Variants in CD28 observed in about 807,000 individuals in gnomAD.
CD28 encodes the protein CD28 molecule.
Under a neutral mutation model 21.4 loss-of-function variants are expected in CD28, and 8 were observed. The ratio of observed to expected loss-of-function variants is 0.37; its 90% confidence interval spans 0.22 to 0.68. The LOEUF is 0.68. Ranked by LOEUF, CD28 falls within the 30% of genes least tolerant of loss-of-function variation. The pLI, the probability that CD28 is intolerant of heterozygous loss-of-function variation, is 0.55. For missense variants in CD28, 239 were observed against 272.2 expected (o/e 0.88, Z 0.86); for synonymous variants, 106 against 104.0 (o/e 1.02, Z -0.12).
chr2:203,715,304 A>G (rs1693435858), intron 1 of CD28, among the ~76,000 whole-genome samples: 1 of 152,168 alleles, frequency 6.6e-6, no homozygotes, highest in South Asian at 2.1e-4. Context: ...ACTACAGGCA[A>G]CCTTTTAGAA....
intron 3 of CD28, among the ~76,000 whole-genome samples, chr2:203,734,252 GT>G (rs920073544): frequency 3.9e-5 from 6 of 152,164 alleles, no homozygotes; most frequent in Non-Finnish European, 8.8e-5. Flanking sequence ...AGAGATGAGT[GT>G]AGAAATACAT....
At chr2:203,725,611 A>T (rs1230322471) in intron 1 of CD28, among the ~76,000 whole-genome samples, 1 of 152,148 alleles carries the variant, frequency 6.6e-6, no homozygotes, top group East Asian at 1.9e-4. Flanking sequence ...GCTTTTAAAG[A>T]TTGAACTAAA....
intron 3 of CD28, among the ~76,000 whole-genome samples, chr2:203,733,431 A>G (rs1693949447): frequency 6.6e-6 from 1 of 152,176 alleles, no homozygotes; most frequent in Non-Finnish European, 1.5e-5. Flanking sequence ...GGTAAAAAAA[A>G]AACAGCATTT....
intron 3 of CD28, among the ~76,000 whole-genome samples, chr2:203,732,341 G>A (rs1693916603): frequency 6.6e-6 from 1 of 152,178 alleles, no homozygotes; most frequent in South Asian, 2.1e-4. Context: ...TGGTCAAGCT[G>A]TCACAGGCCA....
intron 1 of CD28, among the ~76,000 whole-genome samples, chr2:203,723,539 A>G (rs1693660907): frequency 6.6e-6 from 1 of 152,180 alleles, no homozygotes; most frequent in African/African-American, 2.4e-5. Flanking sequence ...TAATTCAATA[A>G]TAAAAAGATA....
intron 1 of CD28, among the ~76,000 whole-genome samples, chr2:203,718,610 G>A (rs1452533224): frequency 6.6e-6 from 1 of 152,174 alleles, no homozygotes; most frequent in African/African-American, 2.4e-5. Flanking sequence ...ACTATGATGT[G>A]CATAAATGGA....
chr2:203,730,439 C>G (rs1693858265), intron 3 of CD28, among the ~76,000 whole-genome samples: 1 of 152,036 alleles, frequency 6.6e-6, no homozygotes, highest in Admixed American at 6.5e-5. Flanking sequence ...AATTTTTGGC[C>G]TGGGTTTGAA....
chr2:203,725,308 A>G (rs1693714653), intron 1 of CD28, among the ~76,000 whole-genome samples: 1 of 136,940 alleles, frequency 7.3e-6, no homozygotes, highest in Non-Finnish European at 1.6e-5. Context: ...AAAAAAAAAA[A>G]GAAAAATTTT....
rs1367232884 is a variant in CD28, at chr2:203,736,490, A to G, written c.*1578A>G. ...TGGAGGTCCATTCACATGGGAAAGT[A>G]TTTTGGAATGTGTCTTTTGAAGAGA... On this transcript the variant is annotated 3_prime_UTR_variant, in exon 4 of 4. Coordinates refer to ENST00000324106, the MANE Select transcript of CD28 (RefSeq NM_006139.4). The G allele has an allele frequency of 6.6e-6, 1 of 152,400 alleles. No individual in the cohort carries two copies. Among genetic ancestry groups the G allele is most frequent in the Non-Finnish European group, 1.5e-5 (1 of 68,050 alleles). The allele number at this position is 152,400 out of a possible 1,614,324, so 9.4% of individuals were successfully genotyped here. A position where few individuals can be genotyped will look rare whatever the true frequency, so the allele number is the denominator to read the frequency against.
intron 1 of CD28, among the ~76,000 whole-genome samples, chr2:203,715,087 T>C (rs1035055969): frequency 1.3e-5 from 2 of 152,200 alleles, no homozygotes; most frequent in Non-Finnish European, 2.9e-5. Flanking sequence ...CAGAGTTGTT[T>C]TGAATGAGGG....
chr2:203,738,111 T>G lies in CD28; in HGVS notation c.*3199T>G, dbSNP rs1367519614. ...AGACCAATGGCTGACCTCTTTGAGATGTCAGGCTAGGCTTACCTATGTGTT... is the reference window on the plus strand; with the variant it reads ...AGACCAATGGCTGACCTCTTTGAGAGGTCAGGCTAGGCTTACCTATGTGTT... On this transcript the variant is annotated 3_prime_UTR_variant, in exon 4 of 4. Transcript: ENST00000324106. The G allele has an allele frequency of 1.3e-5, 2 of 152,236 alleles. No individual in the cohort carries two copies. Among genetic ancestry groups the G allele is most frequent in the African/African-American group, 2.4e-5 (1 of 41,462 alleles). The allele number at this position is 152,236 out of a possible 1,614,324, so 9.4% of individuals were successfully genotyped here. A position where few individuals can be genotyped will look rare whatever the true frequency, so the allele number is the denominator to read the frequency against.
intron 1 of CD28, among the ~76,000 whole-genome samples, chr2:203,724,725 A>G (rs1232914506): frequency 6.6e-6 from 1 of 152,186 alleles, no homozygotes; most frequent in Non-Finnish European, 1.5e-5. Flanking sequence ...GCTACTATTA[A>G]TTTAGTTCTA....
intron 1 of CD28, among the ~76,000 whole-genome samples, chr2:203,721,429 G>A (rs1693602583): frequency 6.6e-6 from 1 of 151,832 alleles, no homozygotes; most frequent in Non-Finnish European, 1.5e-5. Flanking sequence ...AAAGAAGGTA[G>A]CTGTAATTCC....
At chr2:203,713,914 C>T (rs1364333810) in intron 1 of CD28, among the ~76,000 whole-genome samples, 3 of 145,288 alleles carry the variant, frequency 2.1e-5, no homozygotes, top group Non-Finnish European at 4.5e-5. Flanking sequence ...TGTAGCATTG[C>T]AGGGCTTGAG....
At chr2:203,726,590 C>G (rs750385096) in intron 1 of CD28, 43 bp from the exon 2 acceptor site, 1 of 1,418,510 alleles carries the variant, frequency 7.0e-7, no homozygotes, top group Non-Finnish European at 9.7e-7. Context: ...GAAAAATTAT[C>G]CTTATATTCT....
chr2:203,719,007 A>G (rs1693537209), intron 1 of CD28, among the ~76,000 whole-genome samples: 1 of 152,228 alleles, frequency 6.6e-6, no homozygotes, highest in African/African-American at 2.4e-5. Context: ...ACCTTCAGGA[A>G]ATCTTCAAAA....
intron 2 of CD28, 33 bp downstream of exon 2, chr2:203,727,022 A>C: frequency 7.5e-7 from 1 of 1,333,892 alleles, no homozygotes; most frequent in Non-Finnish European, 1.1e-6. Flanking sequence ...TACCACCCTA[A>C]AGTAATGGTT....
intron 1 of CD28, among the ~76,000 whole-genome samples, chr2:203,717,981 A>AT (rs1025609328): frequency 1.3e-5 from 2 of 152,168 alleles, no homozygotes; most frequent in South Asian, 2.1e-4. Flanking sequence ...TATTATTACC[A>AT]TTTTTTCATT....
intron 1 of CD28, among the ~76,000 whole-genome samples, chr2:203,710,769 G>A (rs1046152515): frequency 3.3e-5 from 5 of 152,180 alleles, no homozygotes; most frequent in Admixed American, 6.5e-5. Flanking sequence ...ATGAGGATAC[G>A]CAATTCATGT....
Sources: gnomAD v4.1 joint callset for allele counts (sites outside exome capture counted in the v4.1 genomes callset) on GRCh38, gnomAD v4.1.1 for gene constraint, MANE v1.5 for transcripts, NCBI Gene and HGNC (gene_info 2026-07-23, HGNC 2026-07-21) for gene names.